The following GJD2 variants were observed in gnomAD, a reference collection of about 807,000 sequenced individuals.
GJD2 encodes gap junction delta-2 protein.
In GJD2, 12 loss-of-function variants were observed where a neutral mutation model predicts 24.3. That is an observed-to-expected ratio of 0.49 (90% CI 0.32 to 0.80). GJD2 has a LOEUF of 0.80. Ranked by LOEUF, GJD2 falls within the 30% of genes least tolerant of loss-of-function variation. GJD2 has a pLI of 0.04. For missense variants in GJD2, 268 were observed against 402.4 expected, an observed-to-expected ratio of 0.67 and a Z score of 2.86; for synonymous variants, 171 against 155.2, an observed-to-expected ratio of 1.10 and a Z score of -0.76.
rs1468579636 is a variant in GJD2 at position 34,752,687 on chromosome 15, A to G, written c.757T>C (p.Phe253Leu). 6.2e-7 allele frequency: 1 copy of G among 1,614,106 alleles called. No individual in the cohort carries two copies. Among genetic ancestry groups the G allele is most frequent in the Non-Finnish European group, 8.5e-7 (1 of 1,180,046 alleles). The part of the protein sequence containing the change: ...YVSRPTEKTV[F>L]LVFMFAVSGI... ...CTTACAGCAAACATGAACACTAGAAAGACAGTCTTCTCAGTTGGCCGGGAC... is the reference window on the plus strand; with the variant it reads ...CTTACAGCAAACATGAACACTAGAAGGACAGTCTTCTCAGTTGGCCGGGAC... The change falls in exon 2 of 2, where the codon TTT (phenylalanine) becomes CTT (leucine). Residue 253 changes from phenylalanine (F) to leucine (L), a missense_variant. Coordinates refer to ENST00000290374, the MANE Select transcript of GJD2 (RefSeq NM_020660.3).
Position 34,754,667 on chromosome 15 carries a change from T to C in GJD2, c.-179A>G. 1.0e-5 allele frequency: 6 copies of C among 602,348 alleles called. No homozygotes were observed. The South Asian group carries it at 1.0e-4, about 10-fold the overall frequency. 37.3% of individuals were successfully genotyped at this position (602,348 alleles called of 1,614,324 possible). ...TTTATTGTACTTAAAAGAGAAGAAATGGGGAAAGAAATCCAAGCGCGTCCC... is the reference window on the plus strand; with the variant it reads ...TTTATTGTACTTAAAAGAGAAGAAACGGGGAAAGAAATCCAAGCGCGTCCC... On this transcript the variant is annotated 5_prime_UTR_variant, in exon 1 of 2. Coordinates refer to ENST00000290374, the MANE Select transcript of GJD2 (RefSeq NM_020660.3). The surrounding 1 kb of genome is among the most constrained non-coding windows in gnomAD (Gnocchi z 5.9).
In GJD2 at chr15:34,753,321, C is replaced by A. The variant is rs374903251; in HGVS notation, c.123G>T (p.Val41=). 5 of 1,611,100 alleles carry A rather than the reference C, an allele frequency of 3.1e-6. No homozygotes were observed. The highest frequency in any genetic ancestry group is 1.7e-5 in the Admixed American group (1 of 59,976). Residue 41 remains valine (V), a synonymous_variant, in exon 2 of 2, where the codon GTG becomes GTT. Transcript: ENST00000290374. ...GCTCATCATCGTACACCGTCTCCCCCACAATGGCCACAATGAGGATCCGGA... is the reference window on the plus strand; with the variant it reads ...GCTCATCATCGTACACCGTCTCCCCAACAATGGCCACAATGAGGATCCGGA... ...VIFRILIVAI[V]GETVYDDEQT...
Position 34,753,283 on chromosome 15 carries a change from A to G in GJD2, c.161T>C (p.Val54Ala). 6.2e-7 allele frequency: 1 copy of G among 1,614,056 alleles called. No individual in the cohort carries two copies. The highest frequency in any genetic ancestry group is 8.5e-7 in the Non-Finnish European group (1 of 1,180,014). The change falls in exon 2 of 2, where the codon GTG becomes GCG. Residue 54 changes from valine to alanine, a missense_variant. Coordinates refer to ENST00000290374, the MANE Select transcript of GJD2 (RefSeq NM_020660.3). ...ACAGCCGGGCTGCAGGGTGTTGCAC[A>G]CAAACATGGTCTGCTCATCATCGTA... ...TVYDDEQTMF[V>A]CNTLQPGCNQ...
At chr15:34,753,654 A>C (rs373376448) in intron 1 of GJD2, among the ~76,000 whole-genome samples, 4 of 152,176 alleles carry the variant, frequency 2.6e-5, no homozygotes, top group Non-Finnish European at 4.4e-5. Flanking sequence ...TCATCTCTCT[A>C]TATAGAATGT....
chr15:34,752,664 T>C lies in GJD2; in HGVS notation c.780A>G (p.Val260=). 1 of 1,614,180 alleles carries C rather than the reference T, an allele frequency of 6.2e-7. No individual in the cohort carries two copies. Among genetic ancestry groups the C allele is most frequent in the Non-Finnish European group, 8.5e-7 (1 of 1,180,020 alleles). ...GGTTGAGCACAACACAGATGCCACT[T>C]ACAGCAAACATGAACACTAGAAAGA... ...KTVFLVFMFA[V]SGICVVLNLA... is the part of the protein sequence containing the mutation. Residue 260 remains valine, a synonymous_variant, in exon 2 of 2, where the codon GTA becomes GTG. Coordinates refer to ENST00000290374, the MANE Select transcript of GJD2 (RefSeq NM_020660.3).
In GJD2 at chr15:34,753,290, T is replaced by C. The variant is rs1249414845; in HGVS notation, c.154A>G (p.Met52Val). 1.2e-6 allele frequency: 2 copies of C among 1,613,762 alleles called. No homozygotes were observed. Among genetic ancestry groups the C allele is most frequent in the African/African-American group, 1.3e-5 (1 of 74,868 alleles). The change falls in exon 2 of 2, where the codon ATG becomes GTG. Residue 52 changes from methionine to valine, a missense_variant. This residue lies in a region of GJD2 where 66 missense variants were observed against 129.5 expected (regional missense o/e 0.51). Transcript: ENST00000290374. ...GGCTGCAGGGTGTTGCACACAAACATGGTCTGCTCATCATCGTACACCGTC... is the reference window on the plus strand; with the variant it reads ...GGCTGCAGGGTGTTGCACACAAACACGGTCTGCTCATCATCGTACACCGTC... ...GETVYDDEQTMFVCNTLQPGC... is the reference protein window; with the variant it reads ...GETVYDDEQTVFVCNTLQPGC...
chr15:34,752,280 G>A lies in GJD2; in HGVS notation c.*198C>T. ...TTCATCACTCTACCCAATCGTCTCT[G>A]TAGAACCAATTAGGTGATATGTGAA... On this transcript the variant is annotated 3_prime_UTR_variant, in exon 2 of 2. Transcript: ENST00000290374. 2 of 596,184 alleles carry A rather than the reference G, an allele frequency of 3.4e-6. No homozygotes were observed. Among genetic ancestry groups the A allele is most frequent in the Admixed American group, 3.0e-5 (1 of 33,764 alleles). The allele number at this position is 596,184 out of a possible 1,614,324, so 36.9% of individuals were successfully genotyped here.
chr15:34,754,653 TAAAAG>T lies in GJD2; in HGVS notation c.-170_-166del, dbSNP rs544166042. The T allele has an allele frequency of 9.4e-4, 581 of 620,608 alleles. 3 individuals carry two copies. In the African/African-American group the frequency reaches 9.5e-3, roughly 10 times the overall value. The allele number at this position is 620,608 out of a possible 1,614,324, so 38.4% of individuals were successfully genotyped here. A position where few individuals can be genotyped will look rare whatever the true frequency, so the allele number is the denominator to read the frequency against. On this transcript the variant is annotated 5_prime_UTR_variant, in exon 1 of 2. Coordinates refer to ENST00000290374, the MANE Select transcript of GJD2 (RefSeq NM_020660.3). This position sits in a 1 kb window ranked among gnomAD's most constrained non-coding sequence, Gnocchi z 5.9. ...AATCCCCCTTTCCTTTTATTGTACT[TAAAAG>T]AGAAGAAATGGGGAAAGAAATCCAA...
intron 1 of GJD2, 37 bp from the exon 2 acceptor site, chr15:34,753,409 G>T: frequency 6.5e-7 from 1 of 1,546,578 alleles, no homozygotes; most frequent in South Asian, 1.2e-5. Flanking sequence ...AGGTTCTCAC[G>T]GGCTGCGTCA....
rs768686463 is a variant in GJD2 at position 34,754,399 on chromosome 15, G to C, written c.71+19C>G. 1 of 1,608,728 alleles carries C rather than the reference G, an allele frequency of 6.2e-7. No homozygotes were observed. Among genetic ancestry groups the C allele is most frequent in the Admixed American group, 1.7e-5 (1 of 60,008 alleles). On this transcript the variant is annotated intron_variant, in intron 1 of 1. Coordinates refer to ENST00000290374, the MANE Select transcript of GJD2 (RefSeq NM_020660.3). This position sits in a 1 kb window ranked among gnomAD's most constrained non-coding sequence, Gnocchi z 5.9. ...GGCCGCCCGACGGGGCCCCCTGACC[G>C]CCGGCTTGGCGCCCTTACCTCCCGA...
In GJD2 at chr15:34,753,044, C is replaced by A; in HGVS notation, c.400G>T (p.Gly134Cys). The A allele has an allele frequency of 6.2e-7, 1 of 1,614,088 alleles. No individual in the cohort carries two copies. Among genetic ancestry groups the A allele is most frequent in the Non-Finnish European group, 8.5e-7 (1 of 1,180,014 alleles). ...IGGPGGTGGG[G>C]SGGGKREDKK... The stretch of plus-strand genomic sequence containing the variant: ...TCTTCTCGTTTGCCCCCACCACTGC[C>A]CCCACCCCCAGTTCCTCCAGGACCT... Residue 134 changes from glycine to cysteine, a missense_variant, in exon 2 of 2, where the codon GGC becomes TGC. By Grantham distance (159) the Gly-to-Cys change is radical (BLOSUM62 -3). This residue lies in a region of GJD2 where 87 missense variants were observed against 77.8 expected (regional missense o/e 1.12). Transcript: ENST00000290374.
chr15:34,754,828 C>CGGCGA lies in GJD2; in HGVS notation c.-341_-340insTCGCC. 1 of 251,682 alleles carries CGGCGA rather than the reference C, an allele frequency of 4.0e-6. No homozygotes were observed. The highest frequency in any genetic ancestry group is 7.7e-6 in the Non-Finnish European group (1 of 130,574). 15.6% of individuals were successfully genotyped at this position (251,682 alleles called of 1,614,324 possible). On this transcript the variant is annotated 5_prime_UTR_variant, in exon 1 of 2. Coordinates refer to ENST00000290374, the MANE Select transcript of GJD2 (RefSeq NM_020660.3). This position sits in a 1 kb window ranked among gnomAD's most constrained non-coding sequence, Gnocchi z 5.9. The stretch of plus-strand genomic sequence containing the variant: ...CAGCCTGCAGGTCCTCCAGCGCTCG[C>CGGCGA]CCGCCCAGGAGAAGTCTCAGCGCCG...
In GJD2 at chr15:34,753,133, T is replaced by C; in HGVS notation, c.311A>G (p.Gln104Arg). 6.2e-7 allele frequency: 1 copy of C among 1,614,136 alleles called. No homozygotes were observed. Among genetic ancestry groups the C allele is most frequent in the Non-Finnish European group, 8.5e-7 (1 of 1,180,018 alleles). Residue 104 changes from glutamine to arginine, a missense_variant, in exon 2 of 2, where the codon CAG becomes CGG. Transcript: ENST00000290374. The part of the protein sequence containing the change: ...ITYSVHQSAK[Q>R]RERRYSTVFL... ...GACTGTAGAGTAGCGGCGTTCTCGC[T>C]GCTTGGCGGACTGGTGCACAGAGTA...
intron 1 of GJD2, among the ~76,000 whole-genome samples, chr15:34,753,946 C>T (rs988445150): frequency 2.2e-4 from 29 of 128,942 alleles, no homozygotes; most frequent in Non-Finnish European, 3.1e-4. Flanking sequence ...TGTGTAGGCT[C>T]GGTAAGTTTA....
Position 34,754,556 on chromosome 15 carries a change from C to T in GJD2, c.-68G>A. On this transcript the variant is annotated 5_prime_UTR_variant, in exon 1 of 2. Transcript: ENST00000290374. This position sits in a 1 kb window ranked among gnomAD's most constrained non-coding sequence, Gnocchi z 5.9. ...GGGCACGTTCCCGCTCCTGGCCCCT[C>T]CCCGGGCCGCACTTCCAGAATGGGA... 1 of 1,285,890 alleles carries T rather than the reference C, an allele frequency of 7.8e-7. No homozygotes were observed. The highest frequency in any genetic ancestry group is 1.1e-6 in the Non-Finnish European group (1 of 883,338). 79.7% of individuals were successfully genotyped at this position (1,285,890 alleles called of 1,614,324 possible). A position where few individuals can be genotyped will look rare whatever the true frequency, so the allele number is the denominator to read the frequency against.
At position 34,753,494 on chromosome 15, in the gene GJD2, C is replaced by A. The variant is rs1010970165; in HGVS notation, c.72-122G>T. The A allele has an allele frequency of 2.1e-5, 17 of 820,504 alleles. No homozygotes were observed. The African/African-American group carries it at 2.6e-4, about 12-fold the overall frequency. 50.8% of individuals were successfully genotyped at this position (820,504 alleles called of 1,614,324 possible). On this transcript the variant is annotated intron_variant, in intron 1 of 1. Transcript: ENST00000290374. ...CTTTTGACTGGGGAGCTGTCCATCC[C>A]GGGCTGGTACTGAACTAGGAATCTG...
At position 34,752,246 on chromosome 15, in the gene GJD2, T is replaced by C. The variant is rs1427603370; in HGVS notation, c.*232A>G. 3 of 556,068 alleles carry C rather than the reference T, an allele frequency of 5.4e-6. No homozygotes were observed. The highest frequency in any genetic ancestry group is 9.6e-6 in the Non-Finnish European group (3 of 311,610). 34.4% of individuals were successfully genotyped at this position (556,068 alleles called of 1,614,324 possible). On this transcript the variant is annotated 3_prime_UTR_variant, in exon 2 of 2. Coordinates refer to ENST00000290374, the MANE Select transcript of GJD2 (RefSeq NM_020660.3). ...ACAGAAAGGGACCAAAGAAGTCTAA[T>C]TGATCCATTTCATCACTCTACCCAA...
At position 34,752,700 on chromosome 15, in the gene GJD2, A is replaced by G. The variant is rs772145913; in HGVS notation, c.744T>C (p.Thr248=). ...TGAACACTAGAAAGACAGTCTTCTC[A>G]GTTGGCCGGGACACATAACATTCCA... ...KEVECYVSRP[T]EKTVFLVFMF... The change falls in exon 2 of 2, where the codon ACT becomes ACC. Residue 248 remains threonine (T), a synonymous_variant. Transcript: ENST00000290374. 3.0e-5 allele frequency: 49 copies of G among 1,614,088 alleles called. No individual in the cohort carries two copies. The highest frequency in any genetic ancestry group is 3.9e-5 in the Non-Finnish European group (46 of 1,180,030).
chr15:34,754,024 T>A lies in GJD2; in HGVS notation c.71+394A>T, dbSNP rs564211653. ...AGAGGCATCTGCTCTGAAGAGCAAA[T>A]CCATCTCCCCATTTGCCCTTTTCTG... On this transcript the variant is annotated intron_variant, in intron 1 of 1. Transcript: ENST00000290374. The surrounding 1 kb of genome is among the most constrained non-coding windows in gnomAD (Gnocchi z 5.9). Among the ~76,000 whole-genome samples the A allele has an allele frequency of 4.8e-4, 73 of 152,270 alleles. No individual in the cohort carries two copies. The highest frequency in any genetic ancestry group is 8.5e-4 in the Non-Finnish European group (58 of 68,030).
Sources: gnomAD v4.1 joint callset for allele counts (sites outside exome capture counted in the v4.1 genomes callset) on GRCh38, gnomAD v4.1.1 for gene constraint, gnomAD v4.1.1 regional missense constraint, Gnocchi (gnomAD v3.1) non-coding constraint, MANE v1.5 for transcripts, NCBI Gene and HGNC (gene_info 2026-07-23, HGNC 2026-07-21) for gene names.